The following IQSEC1 variants were observed in gnomAD, a reference collection of about 807,000 sequenced individuals.
IQSEC1 encodes IQ motif and Sec7 domain ArfGEF 1, also known as IQ motif and SEC7 domain-containing protein 1.
A neutral mutation model predicts 91.0 loss-of-function variants in IQSEC1; 31 were observed. The ratio of observed to expected loss-of-function variants is 0.34; its 90% confidence interval spans 0.26 to 0.46. IQSEC1 has a LOEUF of 0.46. IQSEC1 is among the 20% of genes least tolerant of loss of function. The probability of loss-of-function intolerance (pLI) is 1.00; values close to 1 mark genes in which losing one functional copy is unlikely to be tolerated. For synonymous variants in IQSEC1, 699 were observed against 662.6 expected (o/e 1.05, Z -0.84); for missense variants, 1,388 against 1,575.6 (o/e 0.88, Z 2.02).
At chr3:13,055,681 T>C (rs562732408) in intron 1 of IQSEC1, among the ~76,000 whole-genome samples, 13 of 152,080 alleles carry the variant, frequency 8.5e-5, no homozygotes, top group African/African-American at 3.1e-4. Context: ...AGTGGATGGG[T>C]AGAGTGGCGA....
chr3:13,017,339 A>G (rs1212819564), intron 1 of IQSEC1, among the ~76,000 whole-genome samples: 1 of 152,200 alleles, frequency 6.6e-6, no homozygotes, highest in Non-Finnish European at 1.5e-5. Flanking sequence ...TCACTGCTGT[A>G]TCCCCAGGGT....
Position 12,941,855 on chromosome 3 carries a change from C to T in IQSEC1, c.34G>A (p.Glu12Lys), listed in dbSNP as rs142851488. 3.5e-4 allele frequency: 558 copies of T among 1,595,720 alleles called. No individual in the cohort carries two copies. Among genetic ancestry groups the T allele is most frequent in the Non-Finnish European group, 4.5e-4 (526 of 1,171,496 alleles). Reference sequence around the variant, plus strand: ...GTGCCAGTCTCACTGCTGGGGGCCTCGCCCTCGACGCTGCAGAGGAGAGAG... The same window carrying T: ...GTGCCAGTCTCACTGCTGGGGGCCTTGCCCTCGACGCTGCAGAGGAGAGAG... ...ACRRRYFVEG[E>K]APSSETGTSL... is the part of the protein sequence containing the mutation. Residue 12 changes from glutamate (E) to lysine (K), a missense_variant, in exon 2 of 14, where the codon GAG becomes AAG. Glu to Lys is a moderately conservative substitution (Grantham distance 56). This residue lies in a region of IQSEC1 where 1,059 missense variants were observed against 1,317.8 expected (regional missense o/e 0.80). Transcript: ENST00000613206.
intron 1 of IQSEC1, among the ~76,000 whole-genome samples, chr3:13,203,907 G>T (rs931721316): frequency 6.6e-6 from 1 of 152,220 alleles, no homozygotes; most frequent in Non-Finnish European, 1.5e-5. Context: ...TTGGGCAGGG[G>T]TATGTGGGGC....
intron 1 of IQSEC1, among the ~76,000 whole-genome samples, chr3:13,256,198 G>C (rs56878103): frequency 0.048 from 7,362 of 152,274 alleles, 575 homozygotes; most frequent in African/African-American, 0.17. Context: ...TCTAGAGACG[G>C]ATAGTGGTGA....
chr3:13,125,221 C>T (rs2124902401), intron 2 of IQSEC1, among the ~76,000 whole-genome samples: 1 of 152,340 alleles, frequency 6.6e-6, no homozygotes, highest in South Asian at 2.1e-4. Context: ...TTTGCTCCTG[C>T]TAGTCCCTTT....
At chr3:13,134,982 C>G (rs183708023) in intron 2 of IQSEC1, among the ~76,000 whole-genome samples, 350 of 152,310 alleles carry the variant, frequency 2.3e-3, no homozygotes, top group African/African-American at 7.8e-3. Context: ...ACTGGGGAAT[C>G]TGACCATTCC....
chr3:12,923,241 A>G (rs1321243997), intron 4 of IQSEC1, among the ~76,000 whole-genome samples: 1 of 152,136 alleles, frequency 6.6e-6, no homozygotes, highest in Non-Finnish European at 1.5e-5. Flanking sequence ...CCTGAGGAAA[A>G]CAATGTGCGG....
intron 9 of IQSEC1, among the ~76,000 whole-genome samples, chr3:12,913,095 C>T (rs1695723930): frequency 6.6e-6 from 1 of 152,248 alleles, no homozygotes; most frequent in Non-Finnish European, 1.5e-5. Context: ...GCTGCTGGGG[C>T]CACCTTCCCC....
intron 1 of IQSEC1, among the ~76,000 whole-genome samples, chr3:13,051,865 T>C (rs1394831330): frequency 6.6e-6 from 1 of 152,112 alleles, no homozygotes; most frequent in Non-Finnish European, 1.5e-5. Flanking sequence ...TATGGACGCT[T>C]GGGCCCTAAT....
Position 12,908,627 on chromosome 3 carries a change from C to G in IQSEC1, c.2579-102G>C. On this transcript the variant is annotated intron_variant, in intron 11 of 13. Transcript: ENST00000613206. The surrounding 1 kb of genome is among the most constrained non-coding windows in gnomAD (Gnocchi z 4.9). Reference sequence around the variant, plus strand: ...AGCTAGCACTGTCCTGAGCCACCATCTGCTTGGAATGGGGAAGGGTTGTTT... The same window carrying G: ...AGCTAGCACTGTCCTGAGCCACCATGTGCTTGGAATGGGGAAGGGTTGTTT... 7.8e-7 allele frequency: 1 copy of G among 1,282,704 alleles called. No individual in the cohort carries two copies. The highest frequency in any genetic ancestry group is 1.3e-5 in the South Asian group (1 of 77,224). 79.5% of individuals were successfully genotyped at this position (1,282,704 alleles called of 1,614,324 possible).
rs1693743017 is a variant in IQSEC1 at position 12,897,309 on chromosome 3, C to G, written c.*3674G>C. 6.6e-6 allele frequency: 1 copy of G among 152,258 alleles called. No individual in the cohort carries two copies. The highest frequency in any genetic ancestry group is 2.1e-4 in the South Asian group (1 of 4,838). 9.4% of individuals were successfully genotyped at this position (152,258 alleles called of 1,614,324 possible). A position where few individuals can be genotyped will look rare whatever the true frequency, so the allele number is the denominator to read the frequency against. On this transcript the variant is annotated 3_prime_UTR_variant, in exon 14 of 14. Transcript: ENST00000613206. ...TCTGTTGCCACTGACAAACAGAATGCAGATGAAAACAAACGCACTCCTTTC... is the reference window on the plus strand; with the variant it reads ...TCTGTTGCCACTGACAAACAGAATGGAGATGAAAACAAACGCACTCCTTTC...
intron 1 of IQSEC1, among the ~76,000 whole-genome samples, chr3:12,990,746 G>C (rs1183311193): frequency 2.0e-5 from 3 of 152,198 alleles, no homozygotes; most frequent in Non-Finnish European, 2.9e-5. Flanking sequence ...ACAATCAATG[G>C]TGCAGCATCC....
chr3:13,170,569 T>A (rs1261594013), intron 1 of IQSEC1, among the ~76,000 whole-genome samples: 1 of 152,186 alleles, frequency 6.6e-6, no homozygotes, highest in Non-Finnish European at 1.5e-5. Flanking sequence ...AGGGAGGCTG[T>A]ACCCTGCAAA....
intron 1 of IQSEC1, among the ~76,000 whole-genome samples, chr3:13,250,946 G>A (rs753301476): frequency 6.6e-6 from 1 of 152,114 alleles, no homozygotes; most frequent in African/African-American, 2.4e-5. Flanking sequence ...GGTCCCCATC[G>A]CTCCTCCTCT....
At chr3:13,068,248 G>A (rs1019273698) in intron 1 of IQSEC1, among the ~76,000 whole-genome samples, 2 of 152,264 alleles carry the variant, frequency 1.3e-5, no homozygotes, top group Non-Finnish European at 2.9e-5. Context: ...ATGGTGGCAG[G>A]TGGGTCAGAG....
intron 2 of IQSEC1, among the ~76,000 whole-genome samples, chr3:13,086,575 G>A (rs985204919): frequency 2.0e-5 from 3 of 152,124 alleles, no homozygotes; most frequent in South Asian, 4.1e-4. Context: ...GACCCATCCC[G>A]CCAGCTTCCC....
chr3:12,910,023 G>A (rs1695412211), intron 10 of IQSEC1, among the ~76,000 whole-genome samples: 1 of 152,228 alleles, frequency 6.6e-6, no homozygotes, highest in African/African-American at 2.4e-5. Context: ...GGGCCTGTGG[G>A]CAGCTGCAGA....
intron 2 of IQSEC1, among the ~76,000 whole-genome samples, chr3:13,129,839 T>C (rs1298068964): frequency 6.6e-6 from 1 of 151,712 alleles, no homozygotes; most frequent in Non-Finnish European, 1.5e-5. Flanking sequence ...TTTGTGTTTT[T>C]AGTAGAGACA....
chr3:12,952,774 C>T (rs1699642037), intron 1 of IQSEC1, among the ~76,000 whole-genome samples: 3 of 152,356 alleles, frequency 2.0e-5, no homozygotes, highest in South Asian at 4.1e-4. Context: ...CCCAGGCTGC[C>T]TGGCTCCCTC....
Sources: gnomAD v4.1 joint callset for allele counts (sites outside exome capture counted in the v4.1 genomes callset) on GRCh38, gnomAD v4.1.1 for gene constraint, gnomAD v4.1.1 regional missense constraint, Gnocchi (gnomAD v3.1) non-coding constraint, MANE v1.5 for transcripts, NCBI Gene and HGNC (gene_info 2026-07-23, HGNC 2026-07-21) for gene names.